Variants in MAML3 observed in about 807,000 individuals in gnomAD.
MAML3 encodes the protein mastermind-like protein 3.
In MAML3, 27 loss-of-function variants were observed where a neutral mutation model predicts 101.9. The ratio of observed to expected loss-of-function variants is 0.27; its 90% confidence interval spans 0.20 to 0.37. MAML3 has a LOEUF of 0.37. Among genes scored for constraint, MAML3 ranks in the 10% least tolerant of loss-of-function variants. The probability of loss-of-function intolerance (pLI) is 1.00; values close to 1 mark genes in which losing one functional copy is unlikely to be tolerated. For synonymous variants in MAML3, 501 were observed against 555.9 expected (o/e 0.90, Z 1.39); for missense variants, 1,316 against 1,444.9 (o/e 0.91, Z 1.45).
chr4:139,928,320 C>T (rs549293207), intron 1 of MAML3, among the ~76,000 whole-genome samples: 2 of 152,292 alleles, frequency 1.3e-5, no homozygotes, highest in East Asian at 3.9e-4. Context: ...GCATGTACCA[C>T]GCTGAAGGCC....
At chr4:140,027,092 C>T (rs1398635690) in intron 1 of MAML3, among the ~76,000 whole-genome samples, 2 of 151,688 alleles carry the variant, frequency 1.3e-5, no homozygotes, top group East Asian at 3.9e-4. Context: ...TTCTGTTGAG[C>T]AGTGAGTTTG....
intron 1 of MAML3, among the ~76,000 whole-genome samples, chr4:140,122,220 CTT>C (rs369602172): frequency 1.4e-4 from 18 of 124,598 alleles, no homozygotes; most frequent in Non-Finnish European, 2.1e-4. Flanking sequence ...TCAAACGAGA[CTT>C]TTTTTTTTTT....
chr4:140,138,141 C>G (rs1313863016), intron 1 of MAML3, among the ~76,000 whole-genome samples: 3 of 152,230 alleles, frequency 2.0e-5, no homozygotes, highest in Non-Finnish European at 4.4e-5. Flanking sequence ...TGTCACCCAC[C>G]AAGTCACCAT....
intron 2 of MAML3, among the ~76,000 whole-genome samples, chr4:139,830,991 T>C (rs913444121): frequency 6.6e-6 from 1 of 152,178 alleles, no homozygotes; most frequent in African/African-American, 2.4e-5. Flanking sequence ...GCTTAGGGCA[T>C]ATTGGGTACT....
intron 1 of MAML3, among the ~76,000 whole-genome samples, chr4:140,051,253 A>C (rs1727262418): frequency 1.3e-5 from 2 of 152,156 alleles, no homozygotes; most frequent in South Asian, 4.1e-4. Flanking sequence ...AAGTCAGATG[A>C]TTATAAAATT....
At chr4:139,751,716 G>A (rs1729506664) in intron 2 of MAML3, among the ~76,000 whole-genome samples, 1 of 152,190 alleles carries the variant, frequency 6.6e-6, no homozygotes, top group African/African-American at 2.4e-5. Flanking sequence ...GGGAGCCAGT[G>A]GGTAGACCTT....
At chr4:139,796,075 T>C (rs79501968) in intron 2 of MAML3, among the ~76,000 whole-genome samples, 144 of 152,318 alleles carry the variant, frequency 9.5e-4, no homozygotes, top group African/African-American at 3.0e-3. Flanking sequence ...TCATCAGACA[T>C]GGAAATGTGG....
chr4:140,092,103 CGTATATATATATAT>C (rs1728067936), intron 1 of MAML3, among the ~76,000 whole-genome samples: 7 of 79,370 alleles, frequency 8.8e-5, no homozygotes, highest in Non-Finnish European at 1.8e-4. Context: ...TATATATATA[CGTATATATATATAT>C]ACGTATATAT....
chr4:140,061,787 A>C (rs1358424018), intron 1 of MAML3, among the ~76,000 whole-genome samples: 2 of 152,212 alleles, frequency 1.3e-5, no homozygotes, highest in Non-Finnish European at 2.9e-5. Context: ...ACTAACTGGC[A>C]AAAGGAACTG....
At chr4:140,097,538 TA>T in intron 1 of MAML3, among the ~76,000 whole-genome samples, 1 of 151,520 alleles carries the variant, frequency 6.6e-6, no homozygotes, top group African/African-American at 2.4e-5. Context: ...AAATGGGATT[TA>T]AAAAAAAGTT....
intron 1 of MAML3, among the ~76,000 whole-genome samples, chr4:139,990,153 T>C (rs933535027): frequency 6.6e-6 from 1 of 152,166 alleles, no homozygotes; most frequent in East Asian, 1.9e-4. Flanking sequence ...ACAACCTCAC[T>C]ATAGAGAAAT....
At chr4:139,870,657 T>C (rs149634100) in intron 2 of MAML3, among the ~76,000 whole-genome samples, 37 of 152,268 alleles carry the variant, frequency 2.4e-4, no homozygotes, top group African/African-American at 8.4e-4. Context: ...CTCTTTCTTT[T>C]TTTGGACAGG....
intron 2 of MAML3, among the ~76,000 whole-genome samples, chr4:139,825,442 C>T (rs1731045379): frequency 6.6e-6 from 1 of 152,190 alleles, no homozygotes; most frequent in Admixed American, 6.5e-5. Flanking sequence ...AAAGCAACTT[C>T]CTACGACCTT....
intron 1 of MAML3, among the ~76,000 whole-genome samples, chr4:139,988,602 T>C (rs1006139912): frequency 1.3e-5 from 2 of 152,172 alleles, no homozygotes; most frequent in African/African-American, 4.8e-5. Flanking sequence ...ACTTCAGTTC[T>C]TTAGTTGTCC....
chr4:140,150,754 A>AG (rs888548140), intron 1 of MAML3, among the ~76,000 whole-genome samples: 1 of 148,468 alleles, frequency 6.7e-6, no homozygotes, highest in Non-Finnish European at 1.5e-5. Flanking sequence ...GAAGGGCGCT[A>AG]GGGGGGCGGG....
chr4:140,117,416 A>C (rs1728534129), intron 1 of MAML3, among the ~76,000 whole-genome samples: 1 of 152,142 alleles, frequency 6.6e-6, no homozygotes, highest in Admixed American at 6.5e-5. Flanking sequence ...TATGTTTTTA[A>C]GCATACTCTA....
intron 2 of MAML3, among the ~76,000 whole-genome samples, chr4:139,756,926 G>A (rs987416046): frequency 7.9e-5 from 12 of 152,186 alleles, no homozygotes; most frequent in African/African-American, 2.9e-4. Flanking sequence ...TAAGTCTCCC[G>A]CCAGTACAGC....
At chr4:140,126,070 C>T (rs1728681310) in intron 1 of MAML3, among the ~76,000 whole-genome samples, 1 of 151,744 alleles carries the variant, frequency 6.6e-6, no homozygotes, top group South Asian at 2.1e-4. Flanking sequence ...GCCACCGCGC[C>T]TGGCCAAGGT....
chr4:139,777,031 G>A (rs1730109144), intron 2 of MAML3, among the ~76,000 whole-genome samples: 1 of 152,126 alleles, frequency 6.6e-6, no homozygotes, highest in Admixed American at 6.5e-5. Flanking sequence ...TTCAAATATA[G>A]GAAGGGTTTT....
Sources: gnomAD v4.1 joint callset for allele counts (sites outside exome capture counted in the v4.1 genomes callset) on GRCh38, gnomAD v4.1.1 for gene constraint, MANE v1.5 for transcripts, NCBI Gene and HGNC (gene_info 2026-07-23, HGNC 2026-07-21) for gene names.